UNC5C: variants seen among roughly 807,000 people sequenced by gnomAD.
UNC5C encodes the protein unc-5 netrin receptor C, also known as netrin receptor UNC5C.
Under a neutral mutation model 99.8 loss-of-function variants are expected in UNC5C, and 47 were observed. That is an observed-to-expected ratio of 0.47 (90% CI 0.37 to 0.60). UNC5C has a LOEUF of 0.60. Among genes scored for constraint, UNC5C ranks in the 20% least tolerant of loss-of-function variants. The pLI, the probability that UNC5C is intolerant of heterozygous loss-of-function variation, is 0.00. For missense variants in UNC5C, 1,062 were observed against 1,165.9 expected (o/e 0.91, Z 1.30); for synonymous variants, 487 against 452.2 (o/e 1.08, Z -0.98).
intron 1 of UNC5C, among the ~76,000 whole-genome samples, chr4:95,463,070 G>A (rs747040842): frequency 1.9e-4 from 29 of 152,142 alleles, no homozygotes; most frequent in Admixed American, 2.0e-4. Context: ...CCTCAAACAT[G>A]CTGTGCTCTC....
At chr4:95,433,545 T>G (rs973767105) in intron 1 of UNC5C, among the ~76,000 whole-genome samples, 1 of 152,096 alleles carries the variant, frequency 6.6e-6, no homozygotes, top group African/African-American at 2.4e-5. Flanking sequence ...TTCATCATAC[T>G]TCTATATATT....
At chr4:95,447,060 T>C (rs935229431) in intron 1 of UNC5C, among the ~76,000 whole-genome samples, 1 of 152,208 alleles carries the variant, frequency 6.6e-6, no homozygotes, top group African/African-American at 2.4e-5. Context: ...CTTGGAGTTA[T>C]AGAATCAAGA....
intron 7 of UNC5C, among the ~76,000 whole-genome samples, chr4:95,238,296 A>G (rs926369943): frequency 1.3e-5 from 2 of 151,900 alleles, no homozygotes; most frequent in Non-Finnish European, 2.9e-5. Context: ...CCTTTTGCCA[A>G]TTTCCTACCC....
At chr4:95,354,469 A>G (rs1038244589) in intron 1 of UNC5C, among the ~76,000 whole-genome samples, 13 of 61,292 alleles carry the variant, frequency 2.1e-4, no homozygotes, top group Non-Finnish European at 4.1e-4. Flanking sequence ...TAACTCTTCC[A>G]TATATATATA....
At chr4:95,378,495 A>G (rs1744962752) in intron 1 of UNC5C, among the ~76,000 whole-genome samples, 1 of 152,148 alleles carries the variant, frequency 6.6e-6, no homozygotes, top group African/African-American at 2.4e-5. Context: ...AAACAAACAC[A>G]ATTTTTGCAA....
chr4:95,529,017 A>G (rs1425486504), intron 1 of UNC5C, among the ~76,000 whole-genome samples: 1 of 152,008 alleles, frequency 6.6e-6, no homozygotes, highest in Non-Finnish European at 1.5e-5. Context: ...TCTCTTCCAA[A>G]ATATTTTTAT....
intron 4 of UNC5C, among the ~76,000 whole-genome samples, chr4:95,258,563 A>G (rs1002612097): frequency 1.3e-5 from 2 of 152,082 alleles, no homozygotes; most frequent in Non-Finnish European, 2.9e-5. Context: ...GTGGTTCAGT[A>G]ACTATAGTCC....
intron 10 of UNC5C, among the ~76,000 whole-genome samples, chr4:95,214,703 C>T (rs1264154167): frequency 6.6e-6 from 1 of 152,138 alleles, no homozygotes; most frequent in Non-Finnish European, 1.5e-5. Flanking sequence ...AAAGCACAAG[C>T]CAATACTTAT....
chr4:95,340,592 G>A (rs17023601), intron 1 of UNC5C, among the ~76,000 whole-genome samples: 6,828 of 152,076 alleles, frequency 0.045, 500 homozygotes, highest in African/African-American at 0.15. Context: ...AATTCAAGTC[G>A]TTGACTACAT....
chr4:95,181,283 A>G (rs908959354), intron 14 of UNC5C, among the ~76,000 whole-genome samples: 9 of 152,224 alleles, frequency 5.9e-5, no homozygotes, highest in Middle Eastern at 3.2e-3. Context: ...CTGTGTTGCC[A>G]TAAGAAAGCA....
intron 1 of UNC5C, 88 bp downstream of exon 1, chr4:95,548,646 G>A: frequency 2.7e-6 from 4 of 1,460,046 alleles, no homozygotes; most frequent in Non-Finnish European, 3.6e-6. Flanking sequence ...GGCAAATTGA[G>A]GAAGTCAAGA....
At chr4:95,541,787 A>G (rs1722928035) in intron 1 of UNC5C, among the ~76,000 whole-genome samples, 1 of 152,160 alleles carries the variant, frequency 6.6e-6, no homozygotes, top group African/African-American at 2.4e-5. Flanking sequence ...TTGGAAAGAA[A>G]TATCCACATA....
intron 3 of UNC5C, among the ~76,000 whole-genome samples, chr4:95,291,658 T>G (rs1344448076): frequency 3.3e-5 from 5 of 152,158 alleles, no homozygotes; most frequent in African/African-American, 1.2e-4. Flanking sequence ...TGAAAAAATA[T>G]AGACTGACAC....
In UNC5C at chr4:95,335,623, AGTC is replaced by A. The variant is rs1181327248; in HGVS notation, c.130_132del (p.Asp44del). On this transcript the variant is annotated inframe_deletion, in exon 2 of 16. Coordinates refer to ENST00000453304, the MANE Select transcript of UNC5C (RefSeq NM_003728.4). ...AAAGTTTCTGGGAGTTCATGAAAAA[AGTC>A]ATCATCTGAGAAAGAAGAAGAAAGT... The A allele has an allele frequency of 6.2e-7, 1 of 1,605,852 alleles. No homozygotes were observed. Among genetic ancestry groups the A allele is most frequent in the African/African-American group, 1.3e-5 (1 of 74,364 alleles).
intron 14 of UNC5C, among the ~76,000 whole-genome samples, chr4:95,180,141 C>G (rs566132467): frequency 1.4e-4 from 21 of 151,112 alleles, no homozygotes; most frequent in African/African-American, 2.7e-4. Context: ...CACTTACTTA[C>G]TAACAAACAT....
chr4:95,404,948 G>A (rs1033634079), intron 1 of UNC5C, among the ~76,000 whole-genome samples: 1 of 152,124 alleles, frequency 6.6e-6, no homozygotes, highest in Non-Finnish European at 1.5e-5. Flanking sequence ...GCCAGTGGGA[G>A]GCCCGACTCC....
intron 1 of UNC5C, among the ~76,000 whole-genome samples, chr4:95,350,779 GTGA>G (rs1743961229): frequency 6.6e-6 from 1 of 152,110 alleles, no homozygotes; most frequent in Non-Finnish European, 1.5e-5. Flanking sequence ...AAAAATCTCT[GTGA>G]TGGTCAATTA....
At chr4:95,183,264 A>C (rs370324146) in intron 13 of UNC5C, among the ~76,000 whole-genome samples, 2 of 152,192 alleles carry the variant, frequency 1.3e-5, no homozygotes, top group African/African-American at 4.8e-5. Flanking sequence ...CCCAAATCAC[A>C]CAGCAAGTAA....
chr4:95,266,339 A>G (rs1740446663), intron 4 of UNC5C, among the ~76,000 whole-genome samples: 1 of 152,198 alleles, frequency 6.6e-6, no homozygotes, highest in Admixed American at 6.5e-5. Flanking sequence ...TCCCTCCAAC[A>G]GTGAGGTCAT....
Sources: gnomAD v4.1 joint callset for allele counts (sites outside exome capture counted in the v4.1 genomes callset) on GRCh38, gnomAD v4.1.1 for gene constraint, MANE v1.5 for transcripts, NCBI Gene and HGNC (gene_info 2026-07-23, HGNC 2026-07-21) for gene names.